The following ADTRP variants were observed in gnomAD, a reference collection of about 807,000 sequenced individuals.
The protein encoded by ADTRP is androgen dependent TFPI regulating protein.
A neutral mutation model predicts 27.0 loss-of-function variants in ADTRP; 20 were observed. The ratio of observed to expected loss-of-function variants is 0.74; its 90% CI spans 0.52 to 1.08. ADTRP has a LOEUF of 1.08. Ranked by LOEUF, ADTRP falls within the 50% of genes least tolerant of loss-of-function variation. The probability of loss-of-function intolerance (pLI) is 0.00; values close to 1 mark genes in which losing one functional copy is unlikely to be tolerated. For synonymous variants in ADTRP, 101 were observed against 105.2 expected (o/e 0.96, Z 0.25); for missense variants, 251 against 275.0 (o/e 0.91, Z 0.62).
chr6:11,751,911 G>A (rs1379252690), intron 3 of ADTRP, among the ~76,000 whole-genome samples: 1 of 152,132 alleles, frequency 6.6e-6, no homozygotes, highest in East Asian at 1.9e-4. Flanking sequence ...ATCAGCTATC[G>A]ATCTAGCCAT....
chr6:11,737,551 G>A (rs1762589402), intron 3 of ADTRP, among the ~76,000 whole-genome samples: 3 of 152,278 alleles, frequency 2.0e-5, no homozygotes, highest in East Asian at 1.9e-4. Context: ...TACGGCAGTC[G>A]GATATCATAA....
intron 3 of ADTRP, among the ~76,000 whole-genome samples, chr6:11,737,258 T>C (rs1762582660): frequency 6.6e-6 from 1 of 152,130 alleles, no homozygotes; most frequent in East Asian, 1.9e-4. Flanking sequence ...CCTCCTTCAC[T>C]CCTGCTTGCC....
intron 3 of ADTRP, among the ~76,000 whole-genome samples, chr6:11,751,425 T>G (rs1763050234): frequency 6.6e-6 from 1 of 152,200 alleles, no homozygotes; most frequent in Non-Finnish European, 1.5e-5. Flanking sequence ...ATACCCTCCA[T>G]GTGTATTATG....
chr6:11,722,842 A>G (rs2076187), intron 5 of ADTRP, among the ~76,000 whole-genome samples: 15,214 of 152,148 alleles, frequency 0.1, 1,520 homozygotes, highest in East Asian at 0.46. Context: ...ATGTGATTTC[A>G]TCTGGTAAAT....
intron 5 of ADTRP, among the ~76,000 whole-genome samples, chr6:11,719,953 C>T (rs539478690): frequency 1.3e-4 from 20 of 152,256 alleles, no homozygotes; most frequent in South Asian, 2.1e-4. Context: ...TGAGGTTCTC[C>T]GTGAGCCCAG....
chr6:11,777,258 G>A (rs901356332), intron 1 of ADTRP, among the ~76,000 whole-genome samples: 3 of 152,174 alleles, frequency 2.0e-5, no homozygotes, highest in African/African-American at 7.2e-5. Flanking sequence ...GTGTGTGTGT[G>A]TGTGTGTGTA....
chr6:11,731,003 T>C (rs1762362883), intron 4 of ADTRP, among the ~76,000 whole-genome samples: 1 of 152,236 alleles, frequency 6.6e-6, no homozygotes, highest in African/African-American at 2.4e-5. Flanking sequence ...CTTAACACTG[T>C]GCCAGGTGGG....
intron 4 of ADTRP, among the ~76,000 whole-genome samples, chr6:11,735,250 A>AAGAT (rs1286905000): frequency 2.6e-5 from 4 of 152,214 alleles, no homozygotes; most frequent in African/African-American, 4.8e-5. Context: ...ATGTTCATTG[A>AAGAT]AGATAGAACC....
chr6:11,773,656 C>G (rs556262397), intron 1 of ADTRP, among the ~76,000 whole-genome samples: 1 of 152,302 alleles, frequency 6.6e-6, no homozygotes, highest in East Asian at 1.9e-4. Context: ...GAGCTGGGGA[C>G]TGAGTACCTC....
At chr6:11,751,580 C>A (rs1763056373) in intron 3 of ADTRP, among the ~76,000 whole-genome samples, 2 of 152,176 alleles carry the variant, frequency 1.3e-5, no homozygotes, top group Non-Finnish European at 2.9e-5. Flanking sequence ...GGTTTACACT[C>A]TATTTTTGCT....
intron 3 of ADTRP, among the ~76,000 whole-genome samples, chr6:11,746,175 T>C (rs538227249): frequency 6.6e-6 from 1 of 152,200 alleles, no homozygotes; most frequent in Admixed American, 6.5e-5. Context: ...GCTAAAGATG[T>C]CCAGTAGCAT....
chr6:11,728,290 C>A, intron 4 of ADTRP: 1 of 152,710 alleles, frequency 6.5e-6, no homozygotes, highest in Non-Finnish European at 1.5e-5. Flanking sequence ...ACAGCCCTCC[C>A]CTGCCTGCAG....
chr6:11,742,849 A>G (rs1303449544), intron 3 of ADTRP, among the ~76,000 whole-genome samples: 2 of 152,098 alleles, frequency 1.3e-5, no homozygotes, highest in African/African-American at 4.8e-5. Context: ...CATTTTCCCC[A>G]TGGGTGTTTT....
chr6:11,717,774 C>T (rs554745028), intron 5 of ADTRP, among the ~76,000 whole-genome samples: 126 of 152,264 alleles, frequency 8.3e-4, no homozygotes, highest in Non-Finnish European at 1.3e-3. Context: ...GGGAAAGAGG[C>T]TGAGGAAGAG....
At chr6:11,738,587 C>T (rs140964494) in intron 3 of ADTRP, 5 of 152,242 alleles carry the variant, frequency 3.3e-5, no homozygotes, top group East Asian at 3.8e-4. Flanking sequence ...CAGCAGCTCC[C>T]GTCCTCTACA....
intron 3 of ADTRP, among the ~76,000 whole-genome samples, chr6:11,748,702 A>G (rs576226300): frequency 6.6e-6 from 1 of 152,340 alleles, no homozygotes; most frequent in South Asian, 2.1e-4. Flanking sequence ...ACCACGTCCA[A>G]GATGTGTTCT....
At chr6:11,738,764 C>G (rs1366647353) in intron 3 of ADTRP, 1 of 152,186 alleles carries the variant, frequency 6.6e-6, no homozygotes, top group Non-Finnish European at 1.5e-5. Flanking sequence ...AATTGGATTT[C>G]CAAATGAATT....
intron 1 of ADTRP, among the ~76,000 whole-genome samples, chr6:11,775,357 C>G (rs1324138812): frequency 6.6e-6 from 1 of 152,116 alleles, no homozygotes; most frequent in Non-Finnish European, 1.5e-5. Flanking sequence ...ATTTCTCCCC[C>G]ATGGCTACCC....
intron 4 of ADTRP, among the ~76,000 whole-genome samples, chr6:11,732,855 G>A (rs1160451788): frequency 2.6e-5 from 4 of 152,200 alleles, no homozygotes; most frequent in African/African-American, 9.7e-5. Flanking sequence ...AAAGTGCAGA[G>A]CTAGGTCAAG....
Sources: allele counts gnomAD v4.1 joint callset (sites outside exome capture counted in the v4.1 genomes callset), GRCh38; gene constraint gnomAD v4.1.1; transcripts MANE v1.5; gene names NCBI Gene and HGNC (gene_info 2026-07-23, HGNC 2026-07-21).